Variants in PCDHGB3 observed in about 807,000 individuals in gnomAD.
The protein encoded by PCDHGB3 is protocadherin gamma-B3.
PCDHGB3 carries 40 observed loss-of-function variants against 59.2 expected under a neutral mutation model. The ratio of observed to expected loss-of-function variants is 0.68; its 90% confidence interval spans 0.52 to 0.88. PCDHGB3 has a LOEUF of 0.88. PCDHGB3 is among the 40% of genes least tolerant of loss of function. The pLI is 0.00. For synonymous variants in PCDHGB3, 581 were observed against 503.6 expected (o/e 1.15, Z -2.06); for missense variants, 1,309 against 1,187.9 (o/e 1.10, Z -1.50).
At chr5:141,506,700 G>A (rs780282969) in intron 3 of PCDHGB3, among the ~76,000 whole-genome samples, 3 of 152,138 alleles carry the variant, frequency 2.0e-5, no homozygotes, top group Non-Finnish European at 2.9e-5. Flanking sequence ...ACCCAAACCC[G>A]TTTTTTACTG....
chr5:141,403,775 G>A (rs760589412), intron 1 of PCDHGB3: 2 of 1,613,866 alleles, frequency 1.2e-6, no homozygotes, highest in Admixed American at 1.7e-5. Context: ...GGGAATCAAC[G>A]GAAAAGTGGC....
At position 141,509,122 on chromosome 5, in the gene PCDHGB3, G is replaced by A. The variant is rs2099875312; in HGVS notation, c.2564-1825G>A. 2.0e-5 allele frequency among the ~76,000 whole-genome samples: 3 copies of A among 152,154 alleles called. No homozygotes were observed. In the South Asian group the frequency reaches 6.2e-4, roughly 32 times the overall value. The stretch of plus-strand genomic sequence containing the variant: ...AGAAACCTGAGCGCTGGTGCGTGAA[G>A]AGAAAAACCGAGGCGCATCCCGGCT... On this transcript the variant is annotated intron_variant, in intron 3 of 3. Transcript: ENST00000576222.
At chr5:141,427,986 G>C in intron 1 of PCDHGB3, 1 of 1,598,018 alleles carries the variant, frequency 6.3e-7, no homozygotes, top group East Asian at 2.2e-5. Context: ...GCTGGGGCCC[G>C]ATGGCTCCGC....
chr5:141,409,476 C>T (rs1195323775), intron 1 of PCDHGB3: 1 of 1,613,982 alleles, frequency 6.2e-7, no homozygotes, highest in South Asian at 1.1e-5. Context: ...ATCGTAGCCA[C>T]TGACAGGGGC....
At chr5:141,426,517 A>G (rs893782433) in intron 1 of PCDHGB3, 5 of 343,020 alleles carry the variant, frequency 1.5e-5, no homozygotes, top group African/African-American at 2.1e-5. Context: ...CTTTACCGTG[A>G]ACACGGAGAA....
intron 1 of PCDHGB3, chr5:141,389,520 C>T: frequency 6.2e-7 from 1 of 1,613,184 alleles, no homozygotes; most frequent in Non-Finnish European, 8.5e-7. Flanking sequence ...GAACGTGAGC[C>T]TGCGCGTGTT....
At chr5:141,373,571 C>T (rs1157896176) in intron 1 of PCDHGB3, among the ~76,000 whole-genome samples, 1 of 152,096 alleles carries the variant, frequency 6.6e-6, no homozygotes, top group Non-Finnish European at 1.5e-5. Context: ...ATGGGACTAG[C>T]ATAAATGGTG....
In PCDHGB3 at chr5:141,388,651, A is replaced by G. The variant is rs186708822; in HGVS notation, c.2415+15842A>G. ...AGGGTGAGCCTTTCAGAAAACGTGT[A>G]CCCGGGGACCACGGTGCTACAGGTG... On this transcript the variant is annotated intron_variant, in intron 1 of 3. Transcript: ENST00000576222. 300 of 1,613,838 alleles carry G rather than the reference A, an allele frequency of 1.9e-4. 1 individual carries two copies. Among genetic ancestry groups the G allele is most frequent in the Admixed American group, 9.7e-4 (58 of 60,020 alleles).
intron 1 of PCDHGB3, chr5:141,384,104 A>C: frequency 1.2e-6 from 2 of 1,601,040 alleles, no homozygotes; most frequent in Non-Finnish European, 8.5e-7. Context: ...GATAATTATT[A>C]TAGATTGGTC....
chr5:141,387,727 C>T, intron 1 of PCDHGB3: 3 of 1,216,044 alleles, frequency 2.5e-6, no homozygotes, highest in South Asian at 3.2e-5. Context: ...CTCCCCAGCG[C>T]CAGCCTTTAC....
intron 2 of PCDHGB3, among the ~76,000 whole-genome samples, chr5:141,495,725 C>G (rs1339925752): frequency 1.3e-5 from 2 of 151,986 alleles, no homozygotes; most frequent in African/African-American, 4.8e-5. Flanking sequence ...TACACGGGAC[C>G]CTTAGTCTCT....
chr5:141,416,504 C>CA (rs1467352050), intron 1 of PCDHGB3: 4 of 152,040 alleles, frequency 2.6e-5, no homozygotes, highest in African/African-American at 9.7e-5. Context: ...AGATATATGA[C>CA]AAAGCTATTT....
chr5:141,444,551 G>A (rs758187608), intron 1 of PCDHGB3, among the ~76,000 whole-genome samples: 1 of 152,022 alleles, frequency 6.6e-6, no homozygotes, highest in Non-Finnish European at 1.5e-5. Context: ...TGAGCAAAAG[G>A]CACTTATTTG....
At chr5:141,423,225 C>T (rs763729316) in intron 1 of PCDHGB3, 3 of 1,613,804 alleles carry the variant, frequency 1.9e-6, no homozygotes, top group South Asian at 1.1e-5. Context: ...TGGCTGTGGC[C>T]GACAGCATCC....
intron 1 of PCDHGB3, chr5:141,426,664 A>G (rs886265350): frequency 2.3e-6 from 1 of 429,248 alleles, no homozygotes; most frequent in Admixed American, 2.5e-5. Flanking sequence ...GATATAAATG[A>G]TAACCCACCT....
At chr5:141,392,063 A>G (rs2092459837) in intron 1 of PCDHGB3, 1 of 152,218 alleles carries the variant, frequency 6.6e-6, no homozygotes, top group African/African-American at 2.4e-5. Context: ...TATTATCGAC[A>G]TGTAATTCAA....
chr5:141,447,164 G>T (rs2098528799), intron 1 of PCDHGB3, among the ~76,000 whole-genome samples: 1 of 151,766 alleles, frequency 6.6e-6, no homozygotes, highest in South Asian at 2.1e-4. Context: ...GTTTAAGCGG[G>T]GTCTTGCTCT....
intron 1 of PCDHGB3, among the ~76,000 whole-genome samples, chr5:141,382,107 C>T (rs1777954814): frequency 6.6e-6 from 1 of 152,002 alleles, no homozygotes; most frequent in Non-Finnish European, 1.5e-5. Flanking sequence ...GGATTACAGG[C>T]GTGAGCAACA....
chr5:141,372,721 C>A lies in PCDHGB3; in HGVS notation c.2327C>A (p.Ala776Glu), dbSNP rs1769002230. The A allele has an allele frequency of 6.2e-7, 1 of 1,613,832 alleles. No homozygotes were observed. Among genetic ancestry groups the A allele is most frequent in the South Asian group, 1.1e-5 (1 of 91,078 alleles). Residue 776 changes from alanine (A) to glutamate (E), a missense_variant, in exon 1 of 4, where the codon GCA becomes GAA. Physicochemically the swap from Ala to Glu is moderately radical, Grantham distance 107. Coordinates refer to ENST00000576222, the MANE Select transcript of PCDHGB3 (RefSeq NM_018924.5). Reference protein sequence around the residue: ...KFLNIKAENAAPQDLLCDEAS... With the variant: ...KFLNIKAENAEPQDLLCDEAS... Reference sequence around the variant, plus strand: ...CTCAATATAAAGGCTGAAAATGCTGCACCACAAGATCTTCTATGTGATGAA... The same window carrying A: ...CTCAATATAAAGGCTGAAAATGCTGAACCACAAGATCTTCTATGTGATGAA...
Sources: gnomAD v4.1 joint callset for allele counts (sites outside exome capture counted in the v4.1 genomes callset) on GRCh38, gnomAD v4.1.1 for gene constraint, MANE v1.5 for transcripts, NCBI Gene and HGNC (gene_info 2026-07-23, HGNC 2026-07-21) for gene names.